RBFOX1: variants seen among roughly 807,000 people sequenced by gnomAD.
RBFOX1 encodes RNA binding protein fox-1 homolog 1.
RBFOX1 carries 8 observed loss-of-function variants against 57.7 expected under a neutral mutation model. The ratio of observed to expected loss-of-function variants is 0.14; its 90% CI spans 0.08 to 0.25. The LOEUF is 0.25. RBFOX1 is among the 10% of genes least tolerant of loss of function. The probability of loss-of-function intolerance (pLI) is 1.00; values close to 1 mark genes in which losing one functional copy is unlikely to be tolerated. For missense variants in RBFOX1, 611 were observed against 548.5 expected, an observed-to-expected ratio of 1.11 and a Z score of -1.14; for synonymous variants, 326 against 222.4, an observed-to-expected ratio of 1.47 and a Z score of -4.15.
At chr16:6,274,209 C>G (rs576761326) in intron 1 of RBFOX1, among the ~76,000 whole-genome samples, 1 of 152,254 alleles carries the variant, frequency 6.6e-6, no homozygotes, top group Admixed American at 6.5e-5. Flanking sequence ...GGCATTTATT[C>G]CAGAGACATG....
chr16:6,686,096 T>A (rs2059400896), intron 3 of RBFOX1, among the ~76,000 whole-genome samples: 1 of 152,156 alleles, frequency 6.6e-6, no homozygotes, highest in Admixed American at 6.5e-5. Context: ...CATTATTTCA[T>A]TTCAACCGTG....
intron 13 of RBFOX1, among the ~76,000 whole-genome samples, chr16:7,671,907 C>A (rs1042975262): frequency 6.6e-6 from 1 of 152,182 alleles, no homozygotes; most frequent in East Asian, 1.9e-4. Flanking sequence ...AAATGGTGGT[C>A]TAGCTTGGCT....
At chr16:6,344,059 ACCCAGTG>A (rs1290175594) in intron 2 of RBFOX1, among the ~76,000 whole-genome samples, 9 of 152,130 alleles carry the variant, frequency 5.9e-5, no homozygotes, top group African/African-American at 2.2e-4. Context: ...TATTTCTCGT[ACCCAGTG>A]CCACCTGATA....
intron 3 of RBFOX1, among the ~76,000 whole-genome samples, chr16:6,717,039 T>A (rs1189610519): frequency 6.6e-6 from 1 of 152,168 alleles, no homozygotes; most frequent in Non-Finnish European, 1.5e-5. Context: ...CATGTGAGGA[T>A]ACAGTGAGAA....
At chr16:6,089,950 C>G (rs936694761) in intron 1 of RBFOX1, 3 of 152,134 alleles carry the variant, frequency 2.0e-5, no homozygotes, top group Non-Finnish European at 4.4e-5. Flanking sequence ...GATTTAGTAT[C>G]TTACAGTTCT....
chr16:6,898,911 G>C (rs1346076544), intron 3 of RBFOX1, among the ~76,000 whole-genome samples: 1 of 150,460 alleles, frequency 6.6e-6, no homozygotes, highest in Non-Finnish European at 1.5e-5. Context: ...GTATGTGTTT[G>C]TGCATATGTG....
chr16:6,996,811 A>G (rs538720848), intron 3 of RBFOX1, among the ~76,000 whole-genome samples: 1 of 152,282 alleles, frequency 6.6e-6, no homozygotes, highest in African/African-American at 2.4e-5. Flanking sequence ...TGGCCAGTCT[A>G]TGAGTTGATT....
chr16:6,636,210 G>A lies in RBFOX1; in HGVS notation c.-63-18393G>A, dbSNP rs577290581. ...TTTTGAGATGGAGTCTCGCTCTGTC[G>A]CCCAGGCTGGAGTGCAGAGGCACGA... On this transcript the variant is annotated intron_variant, in intron 2 of 15. Coordinates refer to ENST00000550418, the MANE Select transcript of RBFOX1 (RefSeq NM_018723.4). 1.5e-4 allele frequency among the ~76,000 whole-genome samples: 23 copies of A among 152,172 alleles called. No homozygotes were observed. In the South Asian group the frequency reaches 2.1e-3, roughly 14 times the overall value.
At chr16:6,813,530 C>G (rs1006200983) in intron 3 of RBFOX1, among the ~76,000 whole-genome samples, 6 of 152,154 alleles carry the variant, frequency 3.9e-5, no homozygotes, top group African/African-American at 1.4e-4. Flanking sequence ...CACCTGGTCC[C>G]TAAAGTAGCT....
intron 2 of RBFOX1, among the ~76,000 whole-genome samples, chr16:6,503,137 G>A (rs1436649881): frequency 1.3e-5 from 2 of 152,144 alleles, no homozygotes; most frequent in Admixed American, 1.3e-4. Flanking sequence ...AAAGGATGCT[G>A]AGACTTCATG....
intron 2 of RBFOX1, among the ~76,000 whole-genome samples, chr16:6,429,383 A>T (rs991127299): frequency 2.0e-5 from 3 of 152,180 alleles, no homozygotes; most frequent in African/African-American, 7.2e-5. Context: ...GAATAACAAC[A>T]GTTGTCAGAA....
intron 1 of RBFOX1, among the ~76,000 whole-genome samples, chr16:6,220,924 C>G (rs1238295264): frequency 4.0e-5 from 6 of 151,892 alleles, no homozygotes; most frequent in Admixed American, 3.9e-4. Flanking sequence ...ATAACTTAAC[C>G]TTAACTTGTA....
chr16:6,415,017 C>A (rs1159331214), intron 2 of RBFOX1, among the ~76,000 whole-genome samples: 2 of 151,878 alleles, frequency 1.3e-5, no homozygotes, highest in African/African-American at 4.8e-5. Flanking sequence ...CCAAGACAGG[C>A]GGATCACCTG....
intron 2 of RBFOX1, among the ~76,000 whole-genome samples, chr16:6,375,906 C>G (rs1406061456): frequency 6.6e-6 from 1 of 152,156 alleles, no homozygotes; most frequent in Non-Finnish European, 1.5e-5. Context: ...CTACACATGT[C>G]TTTCTGTGCT....
chr16:6,650,431 A>G (rs1463518882), intron 2 of RBFOX1, among the ~76,000 whole-genome samples: 1 of 152,188 alleles, frequency 6.6e-6, no homozygotes, highest in Non-Finnish European at 1.5e-5. Flanking sequence ...ATGAGGGATC[A>G]CTTCTGGTTA....
intron 1 of RBFOX1, among the ~76,000 whole-genome samples, chr16:6,133,207 A>G (rs1030617929): frequency 6.6e-6 from 1 of 152,128 alleles, no homozygotes; most frequent in Non-Finnish European, 1.5e-5. Context: ...ATCAATTGCT[A>G]CATCTAGCAT....
At chr16:6,105,723 C>G (rs1023486770) in intron 1 of RBFOX1, among the ~76,000 whole-genome samples, 1 of 150,962 alleles carries the variant, frequency 6.6e-6, no homozygotes, top group East Asian at 1.9e-4. Context: ...CTTGTCATTC[C>G]TGTGTCTAGA....
intron 4 of RBFOX1, among the ~76,000 whole-genome samples, chr16:5,927,516 G>T (rs2058962355): frequency 6.6e-6 from 1 of 152,194 alleles, no homozygotes; most frequent in Admixed American, 6.5e-5. Context: ...AATTAGTACA[G>T]CTATGATGGA....
At chr16:6,222,060 A>G (rs898833729) in intron 1 of RBFOX1, among the ~76,000 whole-genome samples, 1 of 152,206 alleles carries the variant, frequency 6.6e-6, no homozygotes, top group African/African-American at 2.4e-5. Context: ...TTTAAGAAGT[A>G]TGGAAGGGCA....
Sources: gnomAD v4.1 joint callset for allele counts (sites outside exome capture counted in the v4.1 genomes callset) on GRCh38, gnomAD v4.1.1 for gene constraint, MANE v1.5 for transcripts, NCBI Gene and HGNC (gene_info 2026-07-23, HGNC 2026-07-21) for gene names.